The following MIX23 variants were observed in gnomAD, a reference collection of about 807,000 sequenced individuals.
The protein encoded by MIX23 is protein MIX23.
MIX23 carries 13 observed loss-of-function variants against 21.6 expected under a neutral mutation model. The ratio of observed to expected loss-of-function variants is 0.60; its 90% confidence interval spans 0.39 to 0.96. The LOEUF is 0.96. MIX23 is among the 40% of genes least tolerant of loss of function. MIX23 has a pLI of 0.00. For synonymous variants in MIX23, 59 were observed against 58.0 expected (o/e 1.02, Z -0.08); for missense variants, 144 against 171.2 (o/e 0.84, Z 0.89).
At chr3:122,376,805 C>T (rs2075490918) in intron 1 of MIX23, among the ~76,000 whole-genome samples, 3 of 152,078 alleles carry the variant, frequency 2.0e-5, no homozygotes, top group Non-Finnish European at 4.4e-5. Flanking sequence ...ACATTGGGGA[C>T]TCCAAAGGGC....
intron 3 of MIX23, chr3:122,366,629 A>G (rs1219681136): frequency 6.6e-6 from 1 of 152,202 alleles, no homozygotes; most frequent in Non-Finnish European, 1.5e-5. Flanking sequence ...TAAGTCACCT[A>G]TTATGCCATC....
intron 1 of MIX23, among the ~76,000 whole-genome samples, chr3:122,377,778 T>C (rs968608754): frequency 2.6e-5 from 4 of 151,962 alleles, no homozygotes; most frequent in Non-Finnish European, 5.9e-5. Flanking sequence ...AGCCCAGGAG[T>C]TCAAGGTTAC....
At position 122,370,667 on chromosome 3, in the gene MIX23, GGAGTA is replaced by G. The variant is rs1284670678; in HGVS notation, c.177+1003_177+1007del. On this transcript the variant is annotated intron_variant, in intron 2 of 4. Transcript: ENST00000291458. ...TTATATGAGTAGTGAGGTGAGAGAG[GGAGTA>G]TCACCAAAGTGACCATAAATTCTAG... 5.9e-5 allele frequency among the ~76,000 whole-genome samples: 9 copies of G among 152,034 alleles called. No individual in the cohort carries two copies. The South Asian group carries it at 8.3e-4, about 14-fold the overall frequency.
intron 1 of MIX23, among the ~76,000 whole-genome samples, chr3:122,378,630 T>A (rs542051099): frequency 6.6e-6 from 1 of 152,348 alleles, no homozygotes; most frequent in East Asian, 1.9e-4. Flanking sequence ...TGTAACACAG[T>A]GATACTTGTG....
chr3:122,363,004 C>G lies in MIX23; in HGVS notation c.348G>C (p.Leu116=). 2 of 1,612,726 alleles carry G rather than the reference C, an allele frequency of 1.2e-6. No homozygotes were observed. Residue 116 remains leucine (L), a synonymous_variant, in exon 4 of 5, where the codon CTG becomes CTC. Transcript: ENST00000291458. ...QTKLKWMQSE[L]NVEEVVNDRS... ...TGTCATTTACCACTTCTTCAACATT[C>G]AGTTCTGACTGCATCCATTTCAACT...
intron 4 of MIX23, among the ~76,000 whole-genome samples, chr3:122,360,649 T>C (rs1188087472): frequency 6.6e-6 from 1 of 152,126 alleles, no homozygotes; most frequent in Non-Finnish European, 1.5e-5. Flanking sequence ...ATTTTAAGTG[T>C]CCAATTATAA....
At chr3:122,383,028 G>T (rs1461600050) in intron 1 of MIX23, 146 bp downstream of exon 1, 7 of 1,039,724 alleles carry the variant, frequency 6.7e-6, no homozygotes, top group East Asian at 2.4e-5. Context: ...CCAAACCCGC[G>T]CCCCCCATGA....
intron 4 of MIX23, among the ~76,000 whole-genome samples, chr3:122,362,642 A>G (rs935325165): frequency 2.6e-5 from 4 of 151,768 alleles, no homozygotes; most frequent in Admixed American, 2.6e-4. Context: ...CCACCACGCT[A>G]ATTTTTGTAT....
intron 1 of MIX23, among the ~76,000 whole-genome samples, chr3:122,376,280 T>C (rs1334563589): frequency 6.6e-6 from 1 of 151,500 alleles, no homozygotes; most frequent in Non-Finnish European, 1.5e-5. Context: ...AAATATGGTG[T>C]ACGTATACAC....
At chr3:122,376,835 G>A (rs941798485) in intron 1 of MIX23, among the ~76,000 whole-genome samples, 1 of 152,134 alleles carries the variant, frequency 6.6e-6, no homozygotes, top group African/African-American at 2.4e-5. Context: ...GAGGAAGGTG[G>A]GGGGTGAAAA....
chr3:122,359,861 ATCTC>A lies in MIX23; in HGVS notation c.*4_*7del. 5 of 1,488,570 alleles carry A rather than the reference ATCTC, an allele frequency of 3.4e-6. No individual in the cohort carries two copies. Among genetic ancestry groups the A allele is most frequent in the South Asian group, 2.6e-5 (2 of 78,236 alleles). The allele number at this position is 1,488,570 out of a possible 1,614,324, so 92.2% of individuals were successfully genotyped here. On this transcript the variant is annotated 3_prime_UTR_variant, in exon 5 of 5. Transcript: ENST00000291458. ...AAAAAAAAAAAAAAAAAAAAAAAGA[ATCTC>A]TCTTTATTCATTCTTTGGAGGCTTG... is the stretch of plus-strand genomic sequence containing the variant.
chr3:122,362,910 C>T lies in MIX23; in HGVS notation c.384+58G>A. 7.0e-6 allele frequency: 10 copies of T among 1,437,176 alleles called. No individual in the cohort carries two copies. In the South Asian group the frequency reaches 1.0e-4, roughly 15 times the overall value. The allele number at this position is 1,437,176 out of a possible 1,614,324, so 89.0% of individuals were successfully genotyped here. ...CTCTTTACTCCCCCTCCCTTGGTTT[C>T]CCTTTGCTAGTTCAGTTTCCCTCCT... On this transcript the variant is annotated intron_variant, in intron 4 of 4. Transcript: ENST00000291458.
intron 2 of MIX23, 82 bp from the exon 3 acceptor site, chr3:122,368,404 G>A (rs971378535): frequency 1.1e-5 from 15 of 1,342,986 alleles, no homozygotes; most frequent in East Asian, 7.5e-5. Context: ...AAATCCTTGA[G>A]ACTATAGAAA....
intron 2 of MIX23, among the ~76,000 whole-genome samples, chr3:122,369,743 T>C (rs1452688248): frequency 1.3e-5 from 2 of 152,146 alleles, no homozygotes; most frequent in African/African-American, 4.8e-5. Context: ...AAAAAAATGA[T>C]AGCAGTAGCA....
At chr3:122,360,266 A>C (rs73186084) in intron 4 of MIX23, among the ~76,000 whole-genome samples, 2,615 of 152,330 alleles carry the variant, frequency 0.017, 57 homozygotes, top group South Asian at 0.088. Context: ...AAAATAAGTT[A>C]AATAAAGAAT....
At chr3:122,362,016 G>T (rs969645405) in intron 4 of MIX23, among the ~76,000 whole-genome samples, 1 of 152,026 alleles carries the variant, frequency 6.6e-6, no homozygotes, top group Non-Finnish European at 1.5e-5. Flanking sequence ...TTTGCCCTTC[G>T]TAAATCTTTT....
intron 3 of MIX23, among the ~76,000 whole-genome samples, chr3:122,363,394 A>G (rs7628690): frequency 0.12 from 18,544 of 151,652 alleles, 1,480 homozygotes; most frequent in East Asian, 0.24. Flanking sequence ...GGCAGAATGA[A>G]TAAGTTTGAT....
chr3:122,359,778 C>G lies in MIX23; in HGVS notation c.*91G>C, dbSNP rs1418676404. The G allele has an allele frequency of 3.0e-6, 4 of 1,316,712 alleles. No homozygotes were observed. The highest frequency in any genetic ancestry group is 4.0e-6 in the Non-Finnish European group (4 of 1,002,288). The allele number at this position is 1,316,712 out of a possible 1,614,324, so 81.6% of individuals were successfully genotyped here. On this transcript the variant is annotated 3_prime_UTR_variant, in exon 5 of 5. Coordinates refer to ENST00000291458, the MANE Select transcript of MIX23 (RefSeq NM_001017928.4). ...TTGGCTCAGAAATCATCCTAGAAAGCCCGCCCTGTTGATATCTGTCATGCT... is the reference window on the plus strand; with the variant it reads ...TTGGCTCAGAAATCATCCTAGAAAGGCCGCCCTGTTGATATCTGTCATGCT...
intron 3 of MIX23, among the ~76,000 whole-genome samples, chr3:122,364,411 C>G (rs895756550): frequency 2.0e-5 from 3 of 152,306 alleles, no homozygotes; most frequent in African/African-American, 4.8e-5. Context: ...AAAGCCTGGA[C>G]TGACTGCCAA....
Sources: gnomAD v4.1 joint callset for allele counts (sites outside exome capture counted in the v4.1 genomes callset) on GRCh38, gnomAD v4.1.1 for gene constraint, MANE v1.5 for transcripts, NCBI Gene and HGNC (gene_info 2026-07-23, HGNC 2026-07-21) for gene names.